Variants in ANO4 observed in about 807,000 individuals in gnomAD.
The protein encoded by ANO4 is anoctamin-4.
ANO4 carries 69 observed loss-of-function variants against 141.9 expected under a neutral mutation model. That is an observed-to-expected ratio of 0.49 (90% CI 0.40 to 0.59). The LOEUF (loss-of-function observed/expected upper bound fraction) is 0.59. Ranked by LOEUF, ANO4 falls within the 20% of genes least tolerant of loss-of-function variation. The pLI is 0.00. For synonymous variants in ANO4, 350 were observed against 394.3 expected, an observed-to-expected ratio of 0.89 and a Z score of 1.33; for missense variants, 894 against 1,162.2, an observed-to-expected ratio of 0.77 and a Z score of 3.36.
At chr12:101,115,216 T>A (rs759091307) in intron 24 of ANO4, among the ~76,000 whole-genome samples, 2 of 152,222 alleles carry the variant, frequency 1.3e-5, no homozygotes, top group African/African-American at 2.4e-5. Context: ...TAGGCTAAGA[T>A]CTTATCACAT....
At chr12:100,897,569 C>T (rs376016267) in intron 1 of ANO4, among the ~76,000 whole-genome samples, 42 of 152,154 alleles carry the variant, frequency 2.8e-4, no homozygotes, top group Admixed American at 2.6e-3. Flanking sequence ...AGAAGGAATC[C>T]GAAAACTGCA....
chr12:100,942,536 GTAAA>G lies in ANO4; in HGVS notation c.456+4_456+7del. The G allele has an allele frequency of 6.2e-7, 1 of 1,611,080 alleles. No homozygotes were observed. Among genetic ancestry groups the G allele is most frequent in the Middle Eastern group, 1.7e-4 (1 of 6,030 alleles). On this transcript the variant is annotated splice_donor_variant and splice_donor_5th_base_variant and intron_variant, in intron 5 of 27. Transcript: ENST00000392977. LOFTEE classifies it high-confidence loss of function. Reference sequence around the variant, plus strand: ...AGAAGGATTGCAAATGGAGAAAGAGGTAAATAGTTTGCTTGGATGAGAAAAAAAT... The same window carrying G: ...AGAAGGATTGCAAATGGAGAAAGAGGTAGTTTGCTTGGATGAGAAAAAAAT...
chr12:100,897,157 C>T (rs2040389181), intron 1 of ANO4, among the ~76,000 whole-genome samples: 1 of 152,112 alleles, frequency 6.6e-6, no homozygotes, highest in African/African-American at 2.4e-5. Flanking sequence ...GGTCTTTTAT[C>T]AAGTAAGGTA....
rs2031396542 is a variant in ANO4 at position 100,731,934 on chromosome 12, C to A, written c.23-1840C>A. 2.0e-5 allele frequency among the ~76,000 whole-genome samples: 3 copies of A among 152,206 alleles called. No homozygotes were observed. The South Asian group carries it at 6.2e-4, about 32-fold the overall frequency. On this transcript the variant is annotated intron_variant, in intron 1 of 29. Coordinates refer to the ANO4 transcript ENST00000644049. ...CTTGGTTGCTTCCAAGTTATGGCAACTATGAATAAAGCTGCTAGGATATGC... is the reference window on the plus strand; with the variant it reads ...CTTGGTTGCTTCCAAGTTATGGCAAATATGAATAAAGCTGCTAGGATATGC...
At chr12:100,963,105 A>G (rs925337878) in intron 5 of ANO4, among the ~76,000 whole-genome samples, 1 of 152,188 alleles carries the variant, frequency 6.6e-6, no homozygotes, top group African/African-American at 2.4e-5. Flanking sequence ...CAGATCCATT[A>G]TAGACATTGA....
Position 101,060,020 on chromosome 12 carries a change from G to T in ANO4, c.1312+11619G>T, listed in dbSNP as rs1182258582. 6.6e-4 allele frequency among the ~76,000 whole-genome samples: 101 copies of T among 152,194 alleles called. 1 individual carries two copies. The highest frequency in any genetic ancestry group is 2.9e-5 in the Non-Finnish European group (2 of 68,036). On this transcript the variant is annotated intron_variant, in intron 14 of 27. Transcript: ENST00000392977. Reference sequence around the variant, plus strand: ...CCGCTTTCTCCTGTGGGCATTTAGTGCTATAAATTTCCCTGCAAACACTGC... The same window carrying T: ...CCGCTTTCTCCTGTGGGCATTTAGTTCTATAAATTTCCCTGCAAACACTGC...
At chr12:100,903,807 C>T (rs755205885) in intron 2 of ANO4, among the ~76,000 whole-genome samples, 1 of 152,204 alleles carries the variant, frequency 6.6e-6, no homozygotes, top group Non-Finnish European at 1.5e-5. Context: ...TGACTATGAA[C>T]TTTAATTGCA....
chr12:100,719,678 A>G (rs1286963865), intron 1 of ANO4, among the ~76,000 whole-genome samples: 3 of 152,194 alleles, frequency 2.0e-5, no homozygotes, highest in Non-Finnish European at 4.4e-5. Flanking sequence ...ACTGTAGACC[A>G]TGTGTTTTAG....
At chr12:101,021,565 A>G (rs1344759387) in intron 9 of ANO4, among the ~76,000 whole-genome samples, 1 of 152,224 alleles carries the variant, frequency 6.6e-6, no homozygotes, top group Non-Finnish European at 1.5e-5. Context: ...TGCATAGCCC[A>G]GATGACCTGC....
chr12:100,843,277 A>G (rs2037379116), intron 1 of ANO4, among the ~76,000 whole-genome samples: 1 of 152,196 alleles, frequency 6.6e-6, no homozygotes, highest in South Asian at 2.1e-4. Flanking sequence ...CATCAATATC[A>G]TGATTCTGAG....
intron 1 of ANO4, among the ~76,000 whole-genome samples, chr12:100,854,571 CT>C (rs2038063589): frequency 6.6e-6 from 1 of 152,086 alleles, no homozygotes; most frequent in Non-Finnish European, 1.5e-5. Context: ...ATGCTGCATT[CT>C]GCATGATTTT....
intron 3 of ANO4, among the ~76,000 whole-genome samples, chr12:100,745,715 G>A (rs1260312564): frequency 1.3e-5 from 2 of 152,152 alleles, no homozygotes; most frequent in Non-Finnish European, 2.9e-5. Context: ...CCTGCTTTAA[G>A]ATAATAGAAT....
chr12:100,901,119 G>GA (rs1372800829), intron 1 of ANO4, among the ~76,000 whole-genome samples: 5 of 152,082 alleles, frequency 3.3e-5, no homozygotes, highest in Admixed American at 2.0e-4. Context: ...TGGGATCGAT[G>GA]AAAAAAAATT....
intron 14 of ANO4, among the ~76,000 whole-genome samples, chr12:101,078,938 T>A (rs914238704): frequency 6.6e-6 from 1 of 152,260 alleles, no homozygotes; most frequent in African/African-American, 2.4e-5. Context: ...AATAAGTCTG[T>A]TCTGCCTCAA....
intron 5 of ANO4, among the ~76,000 whole-genome samples, chr12:100,946,353 G>A (rs1362379183): frequency 6.6e-6 from 1 of 152,162 alleles, no homozygotes; most frequent in Non-Finnish European, 1.5e-5. Context: ...TAGACTGTGA[G>A]GGGTGGAGGT....
At chr12:100,832,431 AT>A (rs1363168393) in intron 1 of ANO4, among the ~76,000 whole-genome samples, 6 of 152,238 alleles carry the variant, frequency 3.9e-5, no homozygotes, top group Admixed American at 3.3e-4. Context: ...GTTAAAGAGA[AT>A]TAGCAGTAAA....
At chr12:101,014,100 T>C (rs2046216751) in intron 8 of ANO4, among the ~76,000 whole-genome samples, 1 of 152,116 alleles carries the variant, frequency 6.6e-6, no homozygotes, top group Admixed American at 6.5e-5. Flanking sequence ...TCTCAAAATA[T>C]ATAAATATAC....
In ANO4 at chr12:101,108,454, G is replaced by A. The variant is rs113325491; in HGVS notation, c.2150-1950G>A. On this transcript the variant is annotated intron_variant, in intron 22 of 27. Coordinates refer to ENST00000392977, the MANE Select transcript of ANO4 (RefSeq NM_001286615.2). Reference sequence around the variant, plus strand: ...AAGTTACCTGACCTCTTTGTGCGTCGGTTTCCTTACCTGTAAAATGAGGAT... The same window carrying A: ...AAGTTACCTGACCTCTTTGTGCGTCAGTTTCCTTACCTGTAAAATGAGGAT... Among the ~76,000 whole-genome samples, 8 of 152,102 alleles carry A rather than the reference G, an allele frequency of 5.3e-5. No homozygotes were observed. In the East Asian group the frequency reaches 1.2e-3, roughly 22 times the overall value.
At chr12:101,078,295 T>TA (rs2049104279) in intron 14 of ANO4, among the ~76,000 whole-genome samples, 1 of 151,750 alleles carries the variant, frequency 6.6e-6, no homozygotes, top group Non-Finnish European at 1.5e-5. Flanking sequence ...TATATCCTTA[T>TA]AGTCATTCTC....
Sources: allele counts gnomAD v4.1 joint callset (sites outside exome capture counted in the v4.1 genomes callset), GRCh38; gene constraint gnomAD v4.1.1; transcripts MANE v1.5; gene names NCBI Gene and HGNC (gene_info 2026-07-23, HGNC 2026-07-21).